The following BIN1 variants were observed in gnomAD, a reference collection of about 807,000 sequenced individuals.
The protein encoded by BIN1 is bridging integrator 1.
Under a neutral mutation model 82.0 loss-of-function variants are expected in BIN1, and 53 were observed. The ratio of observed to expected loss-of-function variants is 0.65; its 90% CI spans 0.52 to 0.81. BIN1 has a LOEUF of 0.81. Ranked by LOEUF, BIN1 falls within the 40% of genes least tolerant of loss-of-function variation. BIN1 has a pLI of 0.00. For missense variants in BIN1, 642 were observed against 784.4 expected, an observed-to-expected ratio of 0.82 and a Z score of 2.17; for synonymous variants, 302 against 328.0, an observed-to-expected ratio of 0.92 and a Z score of 0.86.
At chr2:127,097,898 C>T (rs1009708111) in intron 1 of BIN1, among the ~76,000 whole-genome samples, 2 of 152,214 alleles carry the variant, frequency 1.3e-5, no homozygotes, top group Non-Finnish European at 2.9e-5. Flanking sequence ...AGCATCTCTC[C>T]CCACACTACC....
intron 5 of BIN1, 72 bp downstream of exon 5, chr2:127,069,923 C>G: frequency 6.6e-7 from 1 of 1,510,636 alleles, no homozygotes. Flanking sequence ...CTGAGCCGCA[C>G]GTCCTAGGCC....
In BIN1 at chr2:127,082,262, G is replaced by A. The variant is rs1417747730; in HGVS notation, c.85-5556C>T. On this transcript the variant is annotated intron_variant, in intron 1 of 18. Transcript: ENST00000316724. This position sits in a 1 kb window ranked among gnomAD's most constrained non-coding sequence, Gnocchi z 6.1. ...CGTCTCCCACACACAGCTCGGGTCAGCCAAGCTGGGGAGCTGTGGATGATG... is the reference window on the plus strand; with the variant it reads ...CGTCTCCCACACACAGCTCGGGTCAACCAAGCTGGGGAGCTGTGGATGATG... Among the ~76,000 whole-genome samples the A allele has an allele frequency of 1.3e-5, 2 of 152,282 alleles. No individual in the cohort carries two copies. The highest frequency in any genetic ancestry group is 3.9e-4 in the East Asian group (2 of 5,176).
chr2:127,100,999 C>CGG lies in BIN1; in HGVS notation c.84+5859_84+5860dup, dbSNP rs1553487375. On this transcript the variant is annotated intron_variant, in intron 1 of 18. Transcript: ENST00000316724. ...AGACTTGCCCAAGGGTAGGAATGTG[C>CGG]GGGGGGTGGGGATAGACTCAAACTC... Among the ~76,000 whole-genome samples, 37 of 101,712 alleles carry CGG rather than the reference C, an allele frequency of 3.6e-4. 2 individuals carry two copies. In the South Asian group the frequency reaches 9.4e-3, roughly 26 times the overall value. The allele number at this position is 101,712 out of a possible 152,430, so 66.7% of individuals were successfully genotyped here. A position where few individuals can be genotyped will look rare whatever the true frequency, so the allele number is the denominator to read the frequency against.
At chr2:127,050,944 G>C in intron 16 of BIN1, 32 bp from the exon 17 acceptor site, 2 of 1,606,144 alleles carry the variant, frequency 1.2e-6, no homozygotes, top group East Asian at 2.2e-5. Flanking sequence ...AGCTGAGCAG[G>C]GAGGTGGTCC....
chr2:127,083,483 T>C (rs1350149999), intron 1 of BIN1, among the ~76,000 whole-genome samples: 1 of 152,152 alleles, frequency 6.6e-6, no homozygotes, highest in East Asian at 1.9e-4. Context: ...TCCACAATAC[T>C]TCACCCCTAA....
chr2:127,060,995 T>C (rs1573593016), intron 10 of BIN1, among the ~76,000 whole-genome samples: 1 of 152,284 alleles, frequency 6.6e-6, no homozygotes, highest in South Asian at 2.1e-4. Flanking sequence ...GAGGCCTCTC[T>C]GCTGGAAGGG....
rs1002803404 is a variant in BIN1 at position 127,093,859 on chromosome 2, CTA to C, written c.84+12999_84+13000del. Among the ~76,000 whole-genome samples the C allele has an allele frequency of 1.3e-5, 2 of 152,186 alleles. No homozygotes were observed. The highest frequency in any genetic ancestry group is 2.9e-5 in the Non-Finnish European group (2 of 68,034). On this transcript the variant is annotated intron_variant, in intron 1 of 18. Transcript: ENST00000316724. This position sits in a 1 kb window ranked among gnomAD's most constrained non-coding sequence, Gnocchi z 5.7. ...TCCTTCCTTCCCAAGGCCTCAAGCC[CTA>C]CCATCTGGATCCTGAGCTAGGCCTG...
At position 127,063,984 on chromosome 2, in the gene BIN1, A is replaced by G. The variant is rs1175837393; in HGVS notation, c.647T>C (p.Phe216Ser). The change falls in exon 8 of 19, where the codon TTT (phenylalanine) becomes TCT (serine). Residue 216 changes from phenylalanine to serine, a missense_variant. By Grantham distance (155) the Phe-to-Ser change is radical (BLOSUM62 -2). Transcript: ENST00000316724. Reference sequence around the variant, plus strand: ...CTGCAGATCCACATTCATCTCCTCAAACACCTTCTGGGCTTTGATGAGCTC... The same window carrying G: ...CTGCAGATCCACATTCATCTCCTCAGACACCTTCTGGGCTTTGATGAGCTC... ...EEELIKAQKVFEEMNVDLQEE... is the reference protein window; with the variant it reads ...EEELIKAQKVSEEMNVDLQEE... 1 of 1,613,794 alleles carries G rather than the reference A, an allele frequency of 6.2e-7. No individual in the cohort carries two copies. The highest frequency in any genetic ancestry group is 1.3e-5 in the African/African-American group (1 of 75,010).
intron 1 of BIN1, among the ~76,000 whole-genome samples, chr2:127,101,824 C>T (rs1298013443): frequency 2.0e-5 from 3 of 152,172 alleles, no homozygotes; most frequent in Non-Finnish European, 4.4e-5. Context: ...CATGCACATA[C>T]ACTCACTGCC....
intron 9 of BIN1, among the ~76,000 whole-genome samples, chr2:127,063,111 T>G (rs1684711705): frequency 6.6e-6 from 1 of 152,220 alleles, no homozygotes; most frequent in Non-Finnish European, 1.5e-5. Context: ...AAAGGTACGC[T>G]AATCAGACCA....
intron 1 of BIN1, among the ~76,000 whole-genome samples, chr2:127,081,383 C>T (rs776300123): frequency 6.6e-6 from 1 of 152,336 alleles, no homozygotes; most frequent in South Asian, 2.1e-4. Flanking sequence ...GAGCTCTAGC[C>T]GCCACAGTGA....
rs572647260 is a variant in BIN1 at position 127,053,097 on chromosome 2, C to T, written c.1263+325G>A. The T allele has an allele frequency of 8.4e-4, 379 of 450,782 alleles. 3 individuals carry two copies. Among genetic ancestry groups the T allele is most frequent in the East Asian group, 3.0e-3 (69 of 23,084 alleles). The allele number at this position is 450,782 out of a possible 1,614,324, so 27.9% of individuals were successfully genotyped here. On this transcript the variant is annotated intron_variant, in intron 14 of 18. Transcript: ENST00000316724. Reference sequence around the variant, plus strand: ...TCCTGCCCCACACCCTGAGGACACTCGTCCATCCTGGGTGACCGGCCCACT... The same window carrying T: ...TCCTGCCCCACACCCTGAGGACACTTGTCCATCCTGGGTGACCGGCCCACT...
intron 1 of BIN1, among the ~76,000 whole-genome samples, chr2:127,101,513 G>C (rs147004419): frequency 1.3e-5 from 2 of 152,256 alleles, no homozygotes; most frequent in Non-Finnish European, 2.9e-5. Flanking sequence ...CACTATACTT[G>C]GTGGTTTCTT....
At chr2:127,099,854 A>C (rs773139203) in intron 1 of BIN1, among the ~76,000 whole-genome samples, 3 of 149,752 alleles carry the variant, frequency 2.0e-5, no homozygotes, top group South Asian at 2.1e-4. Context: ...CCCAGGCCGG[A>C]GTGCAGTGGT....
At chr2:127,051,891 C>A (rs1162956683) in intron 15 of BIN1, among the ~76,000 whole-genome samples, 8 of 152,376 alleles carry the variant, frequency 5.3e-5, no homozygotes, top group South Asian at 2.1e-4. Context: ...ACCCTCCTAG[C>A]CCCCATCTCC....
intron 1 of BIN1, among the ~76,000 whole-genome samples, chr2:127,089,074 T>C (rs1263396381): frequency 2.0e-5 from 3 of 152,046 alleles, no homozygotes; most frequent in South Asian, 2.1e-4. Context: ...GGTGGACCCC[T>C]CCATAACCTC....
intron 2 of BIN1, among the ~76,000 whole-genome samples, chr2:127,071,114 C>T (rs1028890312): frequency 5.3e-5 from 8 of 152,134 alleles, no homozygotes; most frequent in African/African-American, 9.7e-5. Flanking sequence ...GCTGGAGGTA[C>T]GGCTGAATGA....
chr2:127,072,621 GAAA>G (rs67215867), intron 2 of BIN1, among the ~76,000 whole-genome samples: 6 of 149,070 alleles, frequency 4.0e-5, no homozygotes, highest in Middle Eastern at 3.4e-3. Flanking sequence ...GAGCATGTGT[GAAA>G]AAAAAAAAAA....
intron 1 of BIN1, among the ~76,000 whole-genome samples, chr2:127,100,260 T>C (rs978875886): frequency 6.6e-6 from 1 of 151,966 alleles, no homozygotes; most frequent in African/African-American, 2.4e-5. Flanking sequence ...CACCCCAGAG[T>C]CTACCACACA....
Sources: gnomAD v4.1 joint callset for allele counts (sites outside exome capture counted in the v4.1 genomes callset) on GRCh38, gnomAD v4.1.1 for gene constraint, Gnocchi (gnomAD v3.1) non-coding constraint, MANE v1.5 for transcripts, NCBI Gene and HGNC (gene_info 2026-07-23, HGNC 2026-07-21) for gene names.